The following CUL1 variants were observed in gnomAD, a reference collection of about 807,000 sequenced individuals.
CUL1 encodes cullin-1.
A neutral mutation model predicts 118.0 loss-of-function variants in CUL1; 24 were observed. The ratio of observed to expected loss-of-function variants is 0.20; its 90% CI spans 0.15 to 0.29. CUL1 has a LOEUF of 0.29. Ranked by LOEUF, CUL1 falls within the 10% of genes least tolerant of loss-of-function variation. CUL1 has a pLI of 1.00. For synonymous variants in CUL1, 332 were observed against 340.4 expected, an observed-to-expected ratio of 0.98 and a Z score of 0.27; for missense variants, 361 against 933.8, an observed-to-expected ratio of 0.39 and a Z score of 7.99.
At chr7:148,742,307 G>A (rs532280238) in intron 2 of CUL1, among the ~76,000 whole-genome samples, 192 of 152,274 alleles carry the variant, frequency 1.3e-3, no homozygotes, top group African/African-American at 4.5e-3. Flanking sequence ...TCACAATCAT[G>A]GTAGAAGGCA....
chr7:148,743,459 A>G (rs1488152216), intron 2 of CUL1, among the ~76,000 whole-genome samples: 1 of 152,212 alleles, frequency 6.6e-6, no homozygotes, highest in Non-Finnish European at 1.5e-5. Context: ...ATTTACCAGT[A>G]TACCACTGGG....
At chr7:148,765,347 G>A (rs1799970330) in intron 7 of CUL1, among the ~76,000 whole-genome samples, 1 of 152,110 alleles carries the variant, frequency 6.6e-6, no homozygotes, top group Non-Finnish European at 1.5e-5. Context: ...GAAAATCTGG[G>A]CAAGGCACGG....
intron 7 of CUL1, among the ~76,000 whole-genome samples, chr7:148,764,962 A>G (rs961842863): frequency 6.6e-6 from 1 of 152,240 alleles, no homozygotes; most frequent in African/African-American, 2.4e-5. Flanking sequence ...TTAACTGAAC[A>G]TATAATAACT....
intron 9 of CUL1, 142 bp from the exon 10 acceptor site, chr7:148,783,641 T>C (rs764201915): frequency 4.5e-6 from 7 of 1,543,458 alleles, no homozygotes; most frequent in South Asian, 1.2e-5. Context: ...ACCAAAAGTA[T>C]TTCTTGCTCT....
In CUL1 at chr7:148,799,334, C is replaced by T. The variant is rs565504382; in HGVS notation, c.2196C>T (p.Gly732=). Residue 732 remains glycine, a synonymous_variant, in exon 21 of 22, where the codon GGC becomes GGT. Transcript: ENST00000325222. ...TTCTGAAACACCAGCAGTTACTTGGCGAGGTCCTCACTCAGCTGTCCTCCA... is the reference window on the plus strand; with the variant it reads ...TTCTGAAACACCAGCAGTTACTTGGTGAGGTCCTCACTCAGCTGTCCTCCA... ...RKVLKHQQLL[G]EVLTQLSSRF... 33 of 1,614,102 alleles carry T rather than the reference C, an allele frequency of 2.0e-5. No homozygotes were observed. The African/African-American group carries it at 2.8e-4, about 14-fold the overall frequency.
chr7:148,794,233 T>G lies in CUL1; in HGVS notation c.1899+1415T>G, dbSNP rs148767312. On this transcript the variant is annotated intron_variant, in intron 17 of 21. Transcript: ENST00000325222. Reference sequence around the variant, plus strand: ...TTCTTATATACACACATTTTTAATTTTGATGAAGCCTATTTTATCTATTTT... The same window carrying G: ...TTCTTATATACACACATTTTTAATTGTGATGAAGCCTATTTTATCTATTTT... Among the ~76,000 whole-genome samples the G allele has an allele frequency of 1.2e-3, 185 of 152,266 alleles. 1 individual carries two copies. The highest frequency in any genetic ancestry group is 4.3e-3 in the African/African-American group (178 of 41,558).
chr7:148,760,765 G>A (rs528225425), intron 7 of CUL1, among the ~76,000 whole-genome samples: 1 of 152,314 alleles, frequency 6.6e-6, no homozygotes, highest in Admixed American at 6.5e-5. Flanking sequence ...ATTGTAGAAT[G>A]TGGATTTATA....
At chr7:148,754,814 A>G (rs113968296) in intron 3 of CUL1, among the ~76,000 whole-genome samples, 2 of 151,274 alleles carry the variant, frequency 1.3e-5, no homozygotes, top group African/African-American at 4.9e-5. Context: ...TAGTGCAATC[A>G]TAGGTCATTG....
chr7:148,768,127 T>G (rs1358198277), intron 9 of CUL1, among the ~76,000 whole-genome samples: 1 of 152,158 alleles, frequency 6.6e-6, no homozygotes, highest in Admixed American at 6.5e-5. Context: ...GATAGTAGCC[T>G]CTGGCTGAAG....
intron 12 of CUL1, 80 bp from the exon 13 acceptor site, chr7:148,786,909 T>C: frequency 6.5e-7 from 1 of 1,540,900 alleles, no homozygotes; most frequent in Non-Finnish European, 8.7e-7. Context: ...GGCTCCTGGC[T>C]TGTGGCCGGT....
rs776801865 is a variant in CUL1 at position 148,759,656 on chromosome 7, AGTT to A, written c.625+19_625+21del. ...GTCTTACGGTAAATAATTTCCCTTT[AGTT>A]TATTCAAAGTTTTCACATCAAATGG... On this transcript the variant is annotated intron_variant, in intron 6 of 21. Coordinates refer to ENST00000325222, the MANE Select transcript of CUL1 (RefSeq NM_003592.3). The A allele has an allele frequency of 2.7e-6, 4 of 1,475,480 alleles. No homozygotes were observed. In the Admixed American group the frequency reaches 8.3e-5, roughly 30 times the overall value. The allele number at this position is 1,475,480 out of a possible 1,614,324, so 91.4% of individuals were successfully genotyped here.
chr7:148,722,966 C>T (rs1798442746), intron 1 of CUL1, among the ~76,000 whole-genome samples: 1 of 152,204 alleles, frequency 6.6e-6, no homozygotes. Context: ...TGCTCAAGGT[C>T]GTCTGTCTTT....
At position 148,709,615 on chromosome 7, in the gene CUL1, A is replaced by G. The variant is rs143532397; in HGVS notation, c.-162+10586A>G. Among the ~76,000 whole-genome samples the G allele has an allele frequency of 2.5e-3, 384 of 152,366 alleles. 1 individual carries two copies. Among genetic ancestry groups the G allele is most frequent in the African/African-American group, 8.9e-3 (371 of 41,586 alleles). ...GCTTAAAAAGCTTGCTTGAGAAAAT[A>G]CACAAGTTAATGTAAATTGTATGAA... On this transcript the variant is annotated intron_variant, in intron 1 of 21. Coordinates refer to ENST00000325222, the MANE Select transcript of CUL1 (RefSeq NM_003592.3).
At chr7:148,747,658 GCT>G (rs1799348262) in intron 2 of CUL1, among the ~76,000 whole-genome samples, 1 of 152,228 alleles carries the variant, frequency 6.6e-6, no homozygotes, top group African/African-American at 2.4e-5. Context: ...TTTAAGCTGA[GCT>G]CTGGATATAA....
rs754458910 is a variant in CUL1 at position 148,797,869 on chromosome 7, C to G, written c.1947+10C>G. The G allele has an allele frequency of 6.5e-5, 104 of 1,612,370 alleles. No homozygotes were observed. The highest frequency in any genetic ancestry group is 8.1e-5 in the Non-Finnish European group (96 of 1,178,886). ...AAAGTCGAAGCTATTGGTAGGTTTG[C>G]GCCCTTTTATCTTACACTAGAAGAA... is the stretch of plus-strand genomic sequence containing the variant. On this transcript the variant is annotated intron_variant, in intron 18 of 21. Coordinates refer to ENST00000325222, the MANE Select transcript of CUL1 (RefSeq NM_003592.3).
intron 2 of CUL1, among the ~76,000 whole-genome samples, chr7:148,731,664 T>C (rs1453356322): frequency 6.6e-6 from 1 of 152,180 alleles, no homozygotes; most frequent in African/African-American, 2.4e-5. Flanking sequence ...AACGACACCT[T>C]GTACCCATTA....
intron 2 of CUL1, among the ~76,000 whole-genome samples, chr7:148,746,427 C>G (rs932949455): frequency 1.3e-5 from 2 of 152,144 alleles, no homozygotes; most frequent in Non-Finnish European, 2.9e-5. Context: ...AGAATCTGCC[C>G]TGAAAGAACA....
intron 14 of CUL1, among the ~76,000 whole-genome samples, chr7:148,789,184 A>G (rs1417420530): frequency 7.2e-5 from 11 of 152,218 alleles, no homozygotes; most frequent in Admixed American, 7.2e-4. Context: ...TTTTTAAATG[A>G]AAAATGGAGA....
intron 1 of CUL1, among the ~76,000 whole-genome samples, chr7:148,715,858 C>T (rs1798198101): frequency 1.3e-5 from 2 of 152,136 alleles, no homozygotes; most frequent in South Asian, 4.1e-4. Context: ...TCTGTTAATC[C>T]TCACTTTCTT....
Sources: gnomAD v4.1 joint callset for allele counts (sites outside exome capture counted in the v4.1 genomes callset) on GRCh38, gnomAD v4.1.1 for gene constraint, MANE v1.5 for transcripts, NCBI Gene and HGNC (gene_info 2026-07-23, HGNC 2026-07-21) for gene names.